CYP2S1: variants seen among roughly 807,000 people sequenced by gnomAD.
CYP2S1 encodes the protein cytochrome P450 2S1.
Under a neutral mutation model 43.5 loss-of-function variants are expected in CYP2S1, and 32 were observed. The ratio of observed to expected loss-of-function variants is 0.74; its 90% CI spans 0.56 to 0.99. CYP2S1 has a LOEUF of 0.99. Among genes scored for constraint, CYP2S1 ranks in the 50% least tolerant of loss-of-function variants. CYP2S1 has a pLI of 0.00. For missense variants in CYP2S1, 575 were observed against 673.9 expected (o/e 0.85, Z 1.62); for synonymous variants, 283 against 302.9 (o/e 0.93, Z 0.68).
chr19:41,197,229 G>A (rs1050621916), intron 2 of CYP2S1, among the ~76,000 whole-genome samples: 2 of 152,028 alleles, frequency 1.3e-5, no homozygotes, highest in African/African-American at 4.8e-5. Flanking sequence ...GAAGGAGCCT[G>A]GGTCATCCCA....
chr19:41,201,220 G>T lies in CYP2S1; in HGVS notation c.835-11G>T. ...TGTGTTCTCTCAGCCCCTCTGCCTG[G>T]TTTCTTTCAGGAGGAACAAAACCCA... is the stretch of plus-strand genomic sequence containing the variant. On this transcript the variant is annotated splice_polypyrimidine_tract_variant and intron_variant, in intron 5 of 8. Coordinates refer to ENST00000310054, the MANE Select transcript of CYP2S1 (RefSeq NM_030622.8). 1 of 1,613,740 alleles carries T rather than the reference G, an allele frequency of 6.2e-7. No homozygotes were observed. The highest frequency in any genetic ancestry group is 8.5e-7 in the Non-Finnish European group (1 of 1,179,756).
At chr19:41,194,914 G>A (rs1300881197) in intron 2 of CYP2S1, among the ~76,000 whole-genome samples, 4 of 152,068 alleles carry the variant, frequency 2.6e-5, no homozygotes, top group South Asian at 2.1e-4. Context: ...TCAGGAGTTC[G>A]AGACCAGCCT....
chr19:41,204,637 G>A (rs1187373759), intron 7 of CYP2S1, among the ~76,000 whole-genome samples: 1 of 122,564 alleles, frequency 8.2e-6, no homozygotes, highest in African/African-American at 3.2e-5. Flanking sequence ...TCGCTCTGTT[G>A]CCCAGGCTGG....
intron 2 of CYP2S1, among the ~76,000 whole-genome samples, chr19:41,194,987 G>A (rs753790099): frequency 1.2e-4 from 18 of 152,156 alleles, no homozygotes; most frequent in East Asian, 1.9e-4. Flanking sequence ...ATGGTGGTGC[G>A]TACCTGTAAT....
At position 41,201,345 on chromosome 19, in the gene CYP2S1, C is replaced by G. The variant is rs1313278131; in HGVS notation, c.949C>G (p.Leu317Val). ...VSTTVGYTLLLLMKYPHVQKW... is the reference protein window; with the variant it reads ...VSTTVGYTLLVLMKYPHVQKW... ...CACCACGGTCGGCTATACCCTCCTG[C>G]TCCTGATGAAATACCCTCATGTCCA... is the stretch of plus-strand genomic sequence containing the variant. The change falls in exon 6 of 9, where the codon CTC becomes GTC. Residue 317 changes from leucine to valine, a missense_variant. Leu to Val is a conservative substitution (Grantham distance 32). Transcript: ENST00000310054. 5 of 1,614,066 alleles carry G rather than the reference C, an allele frequency of 3.1e-6. No individual in the cohort carries two copies. Among genetic ancestry groups the G allele is most frequent in the Admixed American group, 1.7e-5 (1 of 59,978 alleles).
chr19:41,197,919 G>A lies in CYP2S1; in HGVS notation c.484G>A (p.Gly162Arg). 6.2e-7 allele frequency: 1 copy of A among 1,612,398 alleles called. No individual in the cohort carries two copies. Among genetic ancestry groups the A allele is most frequent in the Middle Eastern group, 1.7e-4 (1 of 5,994 alleles). The change falls in exon 3 of 9, where the codon GGG (glycine) becomes AGG (arginine). Residue 162 changes from glycine to arginine, a missense_variant. Physicochemically the swap from Gly to Arg is moderately radical, Grantham distance 125. This residue lies in a region of CYP2S1 where 353 missense variants were observed against 367.6 expected (regional missense o/e 0.96). Coordinates refer to ENST00000310054, the MANE Select transcript of CYP2S1 (RefSeq NM_030622.8). ...CCGGTGTCTGGTGGAGACATTCCAG[G>A]GGACAGAAGGTCAGCATGGCGGGGT... ...EARCLVETFQ[G>R]TEGRPFDPSL...
chr19:41,193,370 C>G lies in CYP2S1; in HGVS notation c.106C>G (p.Pro36Ala). The stretch of plus-strand genomic sequence containing the variant: ...GGCCCGAGGCCACCTGCCCCCCGGG[C>G]CCACGCCGCTACCACTGCTGGGAAA... ...TRARGHLPPG[P>A]TPLPLLGNLL... The change falls in exon 1 of 9, where the codon CCC (proline) becomes GCC (alanine). Residue 36 changes from proline to alanine, a missense_variant. Coordinates refer to ENST00000310054, the MANE Select transcript of CYP2S1 (RefSeq NM_030622.8). 1 of 1,532,764 alleles carries G rather than the reference C, an allele frequency of 6.5e-7. No individual in the cohort carries two copies. Among genetic ancestry groups the G allele is most frequent in the Non-Finnish European group, 8.8e-7 (1 of 1,138,874 alleles). 94.9% of individuals were successfully genotyped at this position (1,532,764 alleles called of 1,614,324 possible).
intron 7 of CYP2S1, among the ~76,000 whole-genome samples, chr19:41,205,362 CTTTCTTTCTTTCTT>C (rs756067465): frequency 0.22 from 26,483 of 119,018 alleles, 3,257 homozygotes; most frequent in African/African-American, 0.48. Flanking sequence ...TTCTTTCTTT[CTTTCTTTCTTTCTT>C]TCTTTCTCTC....
intron 7 of CYP2S1, 145 bp from the exon 8 acceptor site, chr19:41,205,813 C>T: frequency 2.8e-6 from 3 of 1,067,840 alleles, no homozygotes; most frequent in Non-Finnish European, 4.0e-6. Context: ...TGAGCCACTG[C>T]ACGCCACTCA....
At chr19:41,205,480 T>A (rs2033563163) in intron 7 of CYP2S1, among the ~76,000 whole-genome samples, 1 of 150,644 alleles carries the variant, frequency 6.6e-6, no homozygotes, top group East Asian at 1.9e-4. Flanking sequence ...TCTTCCTTTC[T>A]TCCTTCCTCC....
Position 41,207,058 on chromosome 19 carries a change from A to C in CYP2S1, c.*570A>C. On this transcript the variant is annotated 3_prime_UTR_variant, in exon 9 of 9. Transcript: ENST00000310054. ...CACCGATGTCCACACACCCCCAACC[A>C]CTTGTCCACACAGCTACCCACGTAC... 1 of 338,584 alleles carries C rather than the reference A, an allele frequency of 3.0e-6. No individual in the cohort carries two copies. Among genetic ancestry groups the C allele is most frequent in the Non-Finnish European group, 5.8e-6 (1 of 171,156 alleles). The allele number at this position is 338,584 out of a possible 1,614,324, so 21.0% of individuals were successfully genotyped here.
At chr19:41,205,806 G>A in intron 7 of CYP2S1, 152 bp from the exon 8 acceptor site, 1 of 987,486 alleles carries the variant, frequency 1.0e-6, no homozygotes, top group Non-Finnish European at 1.5e-6. Context: ...ACAGGCATGA[G>A]CCACTGCACG....
At chr19:41,205,345 T>TTTTCTTC (rs1491546708) in intron 7 of CYP2S1, among the ~76,000 whole-genome samples, 2 of 98,914 alleles carry the variant, frequency 2.0e-5, no homozygotes, top group African/African-American at 6.3e-5. Flanking sequence ...TTTCTTTTTT[T>TTTTCTTC]CTTTCTTTCT....
At chr19:41,205,366 CTTTCTT>C (rs1311088783) in intron 7 of CYP2S1, among the ~76,000 whole-genome samples, 1 of 82,260 alleles carries the variant, frequency 1.2e-5, no homozygotes, top group Non-Finnish European at 2.4e-5. Flanking sequence ...TTCTTTCTTT[CTTTCTT>C]TCTTTCTTTC....
chr19:41,201,088 GTC>G, intron 5 of CYP2S1, 141 bp from the exon 6 acceptor site: 1 of 1,046,950 alleles, frequency 9.6e-7, no homozygotes, highest in Non-Finnish European at 1.3e-6. Flanking sequence ...AAAAAAAAAA[GTC>G]TACTTCCCAA....
rs774025937 is a variant in CYP2S1 at position 41,205,944 on chromosome 19, T to A, written c.1165-14T>A. On this transcript the variant is annotated splice_polypyrimidine_tract_variant and intron_variant, in intron 7 of 8. Coordinates refer to ENST00000310054, the MANE Select transcript of CYP2S1 (RefSeq NM_030622.8). ...TGGGAAGGGGTTTATAGTTTCATTA[T>A]TATTTCCCCTCAGGGCACGGAGGTC... 6.8e-6 allele frequency: 11 copies of A among 1,612,162 alleles called. No homozygotes were observed. Among genetic ancestry groups the A allele is most frequent in the Non-Finnish European group, 9.3e-6 (11 of 1,179,040 alleles).
chr19:41,194,482 A>G, intron 1 of CYP2S1, 62 bp from the exon 2 acceptor site: 3 of 1,488,144 alleles, frequency 2.0e-6, no homozygotes, highest in Non-Finnish European at 2.7e-6. Flanking sequence ...AGGGGCCATG[A>G]TGGAGACACC....
chr19:41,201,484 T>A (rs536654421), intron 6 of CYP2S1, 112 bp downstream of exon 6: 6 of 1,447,876 alleles, frequency 4.1e-6, no homozygotes, highest in Non-Finnish European at 5.5e-6. Flanking sequence ...GGCGGGCTGA[T>A]CACTTGAGAA....
chr19:41,197,287 A>T (rs1021284717), intron 2 of CYP2S1, among the ~76,000 whole-genome samples: 1 of 152,168 alleles, frequency 6.6e-6, no homozygotes, highest in Non-Finnish European at 1.5e-5. Context: ...AGGGCAAAGG[A>T]TGGGAGAACC....
Sources: gnomAD v4.1 joint callset for allele counts (sites outside exome capture counted in the v4.1 genomes callset) on GRCh38, gnomAD v4.1.1 for gene constraint, gnomAD v4.1.1 regional missense constraint, MANE v1.5 for transcripts, NCBI Gene and HGNC (gene_info 2026-07-23, HGNC 2026-07-21) for gene names.